The following FHIT variants were observed in gnomAD, a reference collection of about 807,000 sequenced individuals.
The protein encoded by FHIT is fragile histidine triad diadenosine triphosphatase, also known as bis(5'-adenosyl)-triphosphatase.
Under a neutral mutation model 17.9 loss-of-function variants are expected in FHIT, and 19 were observed. The ratio of observed to expected loss-of-function variants is 1.06; its 90% CI spans 0.74 to 1.56. The LOEUF (loss-of-function observed/expected upper bound fraction) is 1.56. FHIT is among the 40% of genes most tolerant of loss of function. The probability of loss-of-function intolerance (pLI) is 0.00; values close to 1 mark genes in which losing one functional copy is unlikely to be tolerated. For synonymous variants in FHIT, 81 were observed against 69.7 expected (o/e 1.16, Z -0.81); for missense variants, 248 against 189.2 (o/e 1.31, Z -1.82).
chr3:61,077,461 A>T (rs1191713198), intron 2 of FHIT, among the ~76,000 whole-genome samples: 8 of 151,798 alleles, frequency 5.3e-5, no homozygotes, highest in East Asian at 1.9e-4. Context: ...GTCAATTATT[A>T]AAAAAAACAA....
At chr3:61,051,240 C>A (rs1198679187) in intron 2 of FHIT, among the ~76,000 whole-genome samples, 2 of 149,796 alleles carry the variant, frequency 1.3e-5, no homozygotes, top group Non-Finnish European at 3.0e-5. Context: ...TCCATAAGTA[C>A]CACTATCTCT....
At chr3:60,584,215 C>G (rs992060313) in intron 4 of FHIT, among the ~76,000 whole-genome samples, 19 of 152,018 alleles carry the variant, frequency 1.2e-4, no homozygotes, top group African/African-American at 4.1e-4. Context: ...GAGTTGATAA[C>G]CTGAAATTGG....
At chr3:60,828,749 G>A (rs956370067) in intron 3 of FHIT, among the ~76,000 whole-genome samples, 3 of 152,048 alleles carry the variant, frequency 2.0e-5, no homozygotes, top group African/African-American at 4.8e-5. Context: ...ATGGTGGCGG[G>A]TGCCTGTAAT....
intron 1 of FHIT, among the ~76,000 whole-genome samples, chr3:61,239,235 C>T (rs1194205526): frequency 6.6e-6 from 1 of 152,168 alleles, no homozygotes; most frequent in Admixed American, 6.5e-5. Flanking sequence ...GAAAAAAATC[C>T]AAATTCCATA....
chr3:60,785,687 C>T (rs1376736482), intron 4 of FHIT, among the ~76,000 whole-genome samples: 1 of 152,148 alleles, frequency 6.6e-6, no homozygotes, highest in Non-Finnish European at 1.5e-5. Flanking sequence ...GATTGTATTG[C>T]TGCATCCTGT....
At chr3:59,888,944 G>C (rs1365974986) in intron 8 of FHIT, among the ~76,000 whole-genome samples, 2 of 152,180 alleles carry the variant, frequency 1.3e-5, no homozygotes, top group Admixed American at 1.3e-4. Flanking sequence ...AGCCAGAAGA[G>C]AGGGTGAGAA....
In FHIT at chr3:60,418,763, AT is replaced by A. The variant is rs201663778; in HGVS notation, c.103+118096del. Among the ~76,000 whole-genome samples, 1,454 of 150,976 alleles carry A rather than the reference AT, an allele frequency of 9.6e-3. 21 individuals carry two copies. The highest frequency in any genetic ancestry group is 0.03 in the African/African-American group (1,218 of 41,278). The stretch of plus-strand genomic sequence containing the variant: ...AACAAAGTGAGACTGTCAAAAAAAA[AT>A]ATATTGAATGTCTACATGTACTGAT... On this transcript the variant is annotated intron_variant, in intron 5 of 9. Transcript: ENST00000492590.
intron 4 of FHIT, among the ~76,000 whole-genome samples, chr3:60,612,437 A>C (rs1326497232): frequency 2.0e-5 from 3 of 152,200 alleles, no homozygotes; most frequent in Non-Finnish European, 4.4e-5. Context: ...GACCTTGTTA[A>C]AACAAAAAGC....
At chr3:60,861,689 T>C (rs557655887) in intron 3 of FHIT, among the ~76,000 whole-genome samples, 4 of 152,080 alleles carry the variant, frequency 2.6e-5, no homozygotes, top group African/African-American at 9.6e-5. Context: ...GCCCAGTTTT[T>C]TTAGGAGAAA....
chr3:60,024,533 C>T (rs893923933), intron 5 of FHIT, among the ~76,000 whole-genome samples: 1 of 152,222 alleles, frequency 6.6e-6, no homozygotes, highest in Non-Finnish European at 1.5e-5. Flanking sequence ...TAAGAGCCGA[C>T]TACCTGGCAA....
rs533651968 is a variant in FHIT at position 61,059,694 on chromosome 3, C to T, written c.-163-17595G>A. 6.5e-4 allele frequency among the ~76,000 whole-genome samples: 99 copies of T among 152,272 alleles called. 1 individual carries two copies. The highest frequency in any genetic ancestry group is 2.3e-3 in the African/African-American group (95 of 41,570). ...AGGCAAGGAGACACTAGTCATCAGG[C>T]CATCAAGGGCAGGGAACAACCTGAA... On this transcript the variant is annotated intron_variant, in intron 2 of 9. Transcript: ENST00000492590.
intron 5 of FHIT, among the ~76,000 whole-genome samples, chr3:60,324,307 C>T (rs1042891117): frequency 1.4e-5 from 2 of 143,452 alleles, no homozygotes; most frequent in Admixed American, 7.1e-5. Flanking sequence ...TTACTAAGGC[C>T]GGGCGCGATG....
At chr3:60,817,656 A>G (rs1411701339) in intron 4 of FHIT, among the ~76,000 whole-genome samples, 1 of 152,052 alleles carries the variant, frequency 6.6e-6, no homozygotes, top group African/African-American at 2.4e-5. Context: ...TTCTCTGGCT[A>G]CTATCAAGAT....
intron 8 of FHIT, among the ~76,000 whole-genome samples, chr3:59,762,665 G>T (rs1359392211): frequency 2.0e-5 from 3 of 152,210 alleles, no homozygotes; most frequent in Non-Finnish European, 4.4e-5. Context: ...AAACAGCATA[G>T]AAAGCAAAAC....
At chr3:60,825,471 C>T (rs1553740637) in intron 3 of FHIT, among the ~76,000 whole-genome samples, 1 of 152,110 alleles carries the variant, frequency 6.6e-6, no homozygotes, top group East Asian at 1.9e-4. Context: ...CATTATAGGT[C>T]GGGGTCCCCA....
At chr3:59,968,579 G>A (rs1334014219) in intron 7 of FHIT, among the ~76,000 whole-genome samples, 1 of 152,056 alleles carries the variant, frequency 6.6e-6, no homozygotes, top group African/African-American at 2.4e-5. Flanking sequence ...TTCTCACAAT[G>A]CCTCTAGTGG....
intron 4 of FHIT, among the ~76,000 whole-genome samples, chr3:60,795,079 C>T (rs1700930322): frequency 1.3e-5 from 2 of 152,102 alleles, no homozygotes; most frequent in South Asian, 2.1e-4. Context: ...ACTCAAATGT[C>T]GGTATAATAG....
intron 5 of FHIT, among the ~76,000 whole-genome samples, chr3:60,167,255 T>G (rs1322441778): frequency 6.6e-6 from 1 of 152,196 alleles, no homozygotes; most frequent in Non-Finnish European, 1.5e-5. Context: ...CTCATAGATA[T>G]CCCACTTCTG....
At chr3:60,081,464 G>T (rs1703280372) in intron 5 of FHIT, among the ~76,000 whole-genome samples, 2 of 152,036 alleles carry the variant, frequency 1.3e-5, no homozygotes, top group South Asian at 4.2e-4. Context: ...TGATCCTGAA[G>T]TTCCTTAAAA....
Sources: gnomAD v4.1 joint callset for allele counts (sites outside exome capture counted in the v4.1 genomes callset) on GRCh38, gnomAD v4.1.1 for gene constraint, MANE v1.5 for transcripts, NCBI Gene and HGNC (gene_info 2026-07-23, HGNC 2026-07-21) for gene names.